OPRM1: variants seen among roughly 807,000 people sequenced by gnomAD.
OPRM1 encodes opioid receptor mu 1.
OPRM1 carries 27 observed loss-of-function variants against 31.8 expected under a neutral mutation model. That is an observed-to-expected ratio of 0.85 (90% confidence interval 0.63 to 1.17). The LOEUF (loss-of-function observed/expected upper bound fraction) is 1.17, where lower values mean the gene tolerates loss of function less well. Ranked by LOEUF, OPRM1 falls within the 50% of genes most tolerant of loss-of-function variation. OPRM1 has a pLI of 0.00. For synonymous variants in OPRM1, 196 were observed against 189.9 expected, an observed-to-expected ratio of 1.03 and a Z score of -0.26; for missense variants, 536 against 511.1, an observed-to-expected ratio of 1.05 and a Z score of -0.47.
At chr6:154,222,899 G>T in intron 3 of OPRM1, 2 of 473,856 alleles carry the variant, frequency 4.2e-6, no homozygotes, top group South Asian at 2.6e-5. Flanking sequence ...CCTGGAGGGG[G>T]TTTATTCCAT....
At chr6:154,062,035 G>A (rs532596477) in intron 1 of OPRM1, among the ~76,000 whole-genome samples, 1 of 152,122 alleles carries the variant, frequency 6.6e-6, no homozygotes, top group Admixed American at 6.6e-5. Flanking sequence ...CTTTGATCAC[G>A]AAGTTAGAGT....
In OPRM1 at chr6:154,123,738, C is replaced by T. The variant is rs937336476; in HGVS notation, c.*5017C>T. Among the ~76,000 whole-genome samples, 3 of 152,164 alleles carry T rather than the reference C, an allele frequency of 2.0e-5. No individual in the cohort carries two copies. Among genetic ancestry groups the T allele is most frequent in the African/African-American group, 7.2e-5 (3 of 41,430 alleles). ...GCATAGGGCAACTTCCTGACATTGC[C>T]ATGGCATTTGTAAACTGTCGTGGTA... On this transcript the variant is annotated 3_prime_UTR_variant, in exon 4 of 4. Coordinates refer to ENST00000330432, the MANE Select transcript of OPRM1 (RefSeq NM_000914.5).
Position 154,091,436 on chromosome 6 carries a change from C to T in OPRM1, c.1128C>T (p.Pro376=). The T allele has an allele frequency of 6.2e-7, 1 of 1,613,668 alleles. No homozygotes were observed. The highest frequency in any genetic ancestry group is 8.5e-7 in the Non-Finnish European group (1 of 1,180,034). Residue 376 remains proline, a synonymous_variant, in exon 3 of 4, where the codon CCC becomes CCT. Transcript: ENST00000330432. The part of the protein sequence containing the change: ...TRIRQNTRDH[P]STANTVDRTN... ...TTCGTCAGAACACTAGAGACCACCC[C>T]TCCACGGCCAATACAGTGGATAGAA...
chr6:154,113,868 C>A (rs1796591041), intron 3 of OPRM1, among the ~76,000 whole-genome samples: 1 of 152,154 alleles, frequency 6.6e-6, no homozygotes, highest in South Asian at 2.1e-4. Context: ...ACAAAAAGAT[C>A]ATTCATTATT....
At chr6:154,161,339 T>C (rs1237168240) in intron 3 of OPRM1, among the ~76,000 whole-genome samples, 1 of 151,840 alleles carries the variant, frequency 6.6e-6, no homozygotes, top group Non-Finnish European at 1.5e-5. Context: ...ACCTCCCAAG[T>C]AGCTGGGATT....
chr6:154,236,239 G>A (rs1203385516), intron 3 of OPRM1, among the ~76,000 whole-genome samples: 1 of 152,228 alleles, frequency 6.6e-6, no homozygotes, highest in Non-Finnish European at 1.5e-5. Context: ...TCTGAGACCT[G>A]CTACCACATG....
chr6:154,072,724 A>G (rs1327152149), intron 1 of OPRM1, among the ~76,000 whole-genome samples: 2 of 152,222 alleles, frequency 1.3e-5, no homozygotes, highest in Non-Finnish European at 2.9e-5. Context: ...TTTCTCTGCC[A>G]TTTTGAACCA....
At chr6:154,195,178 C>T (rs1488460016) in intron 3 of OPRM1, among the ~76,000 whole-genome samples, 5 of 138,440 alleles carry the variant, frequency 3.6e-5, no homozygotes, top group East Asian at 4.3e-4. Flanking sequence ...GACAGAATCT[C>T]GCTCTGTCAC....
At chr6:154,025,149 C>A (rs771984586) in intron 1 of OPRM1, among the ~76,000 whole-genome samples, 1 of 151,894 alleles carries the variant, frequency 6.6e-6, no homozygotes, top group Non-Finnish European at 1.5e-5. Flanking sequence ...TGTATTGGGG[C>A]CTGTCTTTCT....
upstream of OPRM1, among the ~76,000 whole-genome samples, chr6:154,038,737 A>G (rs1244409670): frequency 6.6e-6 from 1 of 152,252 alleles, no homozygotes; most frequent in Non-Finnish European, 1.5e-5. Flanking sequence ...TCAGAGGCAA[A>G]CAGAGCTTCA....
At chr6:154,225,674 G>A (rs1779192900) in intron 3 of OPRM1, among the ~76,000 whole-genome samples, 1 of 152,160 alleles carries the variant, frequency 6.6e-6, no homozygotes, top group Admixed American at 6.5e-5. Context: ...GATAGATGAG[G>A]GGGTTGCACA....
At chr6:154,210,082 T>A (rs1255783281) in intron 3 of OPRM1, among the ~76,000 whole-genome samples, 2 of 152,320 alleles carry the variant, frequency 1.3e-5, no homozygotes, top group East Asian at 3.9e-4. Context: ...ACTGTCATTA[T>A]ATAATGCAAT....
At chr6:154,166,409 G>A (rs12527056) in intron 3 of OPRM1, among the ~76,000 whole-genome samples, 23,223 of 152,138 alleles carry the variant, frequency 0.15, 2,072 homozygotes, top group East Asian at 0.41. Context: ...CATGCTCTCC[G>A]CGGCCTCTAC....
intron 3 of OPRM1, chr6:154,094,320 T>A: frequency 1.3e-6 from 1 of 794,204 alleles, no homozygotes; most frequent in Non-Finnish European, 1.9e-6. Context: ...GTTATCAAGG[T>A]AATTTGATAA....
In OPRM1 at chr6:154,091,635, T is replaced by A. The variant is rs1583490491; in HGVS notation, c.1164+163T>A. 7.0e-7 allele frequency: 1 copy of A among 1,420,338 alleles called. No individual in the cohort carries two copies. Among genetic ancestry groups the A allele is most frequent in the East Asian group, 2.5e-5 (1 of 39,742 alleles). The allele number at this position is 1,420,338 out of a possible 1,614,324, so 88.0% of individuals were successfully genotyped here. A position where few individuals can be genotyped will look rare whatever the true frequency, so the allele number is the denominator to read the frequency against. On this transcript the variant is annotated intron_variant, in intron 3 of 3. Coordinates refer to ENST00000330432, the MANE Select transcript of OPRM1 (RefSeq NM_000914.5). ...TAGAGAAGAGGTTTGTTATATAAACTGTGTTCTTTATATTTGACTGTACAT... is the reference window on the plus strand; with the variant it reads ...TAGAGAAGAGGTTTGTTATATAAACAGTGTTCTTTATATTTGACTGTACAT...
intron 3 of OPRM1, among the ~76,000 whole-genome samples, chr6:154,141,581 C>T (rs1798212641): frequency 6.6e-6 from 1 of 152,194 alleles, no homozygotes; most frequent in Non-Finnish European, 1.5e-5. Flanking sequence ...GACATGTGCC[C>T]AAGGTGGTCA....
At chr6:154,026,807 A>AT in intron 1 of OPRM1, among the ~76,000 whole-genome samples, 1 of 152,014 alleles carries the variant, frequency 6.6e-6, no homozygotes, top group African/African-American at 2.4e-5. Flanking sequence ...ATTTTTAATT[A>AT]TTTTAATCTC....
At chr6:154,037,743 C>T (rs1296906621), upstream of OPRM1, among the ~76,000 whole-genome samples, 2 of 152,048 alleles carry the variant, frequency 1.3e-5, no homozygotes, top group Non-Finnish European at 2.9e-5. Flanking sequence ...TATTAGCCTA[C>T]CCTCGCCTTT....
At position 154,023,600 on chromosome 6, in the gene OPRM1, G is replaced by A. The variant is rs547202731; in HGVS notation, c.-1+12582G>A. 2.0e-5 allele frequency among the ~76,000 whole-genome samples: 3 copies of A among 152,222 alleles called. No homozygotes were observed. The South Asian group carries it at 6.2e-4, about 32-fold the overall frequency. ...CAGTACTATGTTAAATAACAGTGGTGAAAATGAGCATCCCTGCCATGCTTC... is the reference window on the plus strand; with the variant it reads ...CAGTACTATGTTAAATAACAGTGGTAAAAATGAGCATCCCTGCCATGCTTC... On this transcript the variant is annotated intron_variant, in intron 1 of 5. Transcript: ENST00000434900.
Sources: allele counts gnomAD v4.1 joint callset (sites outside exome capture counted in the v4.1 genomes callset), GRCh38; gene constraint gnomAD v4.1.1; transcripts MANE v1.5; gene names NCBI Gene and HGNC (gene_info 2026-07-23, HGNC 2026-07-21).